GABRQ: variants seen among roughly 807,000 people sequenced by gnomAD.
GABRQ encodes the protein gamma-aminobutyric acid receptor subunit theta.
Under a neutral mutation model 30.5 loss-of-function variants are expected in GABRQ, and 19 were observed. The ratio of observed to expected loss-of-function variants is 0.62; its 90% CI spans 0.43 to 0.91. The LOEUF (loss-of-function observed/expected upper bound fraction) is 0.91, where lower values mean the gene tolerates loss of function less well. Among genes scored for constraint, GABRQ ranks in the 40% least tolerant of loss-of-function variants. The pLI is 0.00. For synonymous variants in GABRQ, 187 were observed against 210.2 expected (o/e 0.89, Z 0.95); for missense variants, 520 against 521.4 (o/e 1.00, Z 0.03).
intron 4 of GABRQ, among the ~76,000 whole-genome samples, chrX:152,648,136 TGCACGC>T (rs1930932392): frequency 9.0e-6 from 1 of 111,364 alleles, no homozygotes; most frequent in Non-Finnish European, 1.9e-5. Flanking sequence ...CACTCACACG[TGCACGC>T]GCACACCATA....
At chrX:152,644,748 T>C (rs1930845803) in intron 2 of GABRQ, among the ~76,000 whole-genome samples, 1 of 111,621 alleles carries the variant, frequency 9.0e-6, no homozygotes, top group African/African-American at 3.3e-5. Flanking sequence ...ATGGACATGC[T>C]CATATGTTCA....
Position 152,640,438 on chromosome X carries a change from C to T in GABRQ, c.210C>T (p.Tyr70=), listed in dbSNP as rs1420682382. The part of the protein sequence containing the change: ...QKILDRVLSR[Y]DVRLRPNFGG... ...TTTTGGACAGGGTGCTGTCAAGATA[C>T]GATGTCCGCCTGAGACCGAATTTTG... Residue 70 remains tyrosine, a synonymous_variant, in exon 2 of 9, where the codon TAC becomes TAT. Coordinates refer to ENST00000598523, the MANE Select transcript of GABRQ (RefSeq NM_018558.4). 7.6e-6 allele frequency: 9 copies of T among 1,189,022 alleles called. No homozygotes were observed. Among genetic ancestry groups the T allele is most frequent in the African/African-American group, 1.8e-5 (1 of 56,668 alleles).
chrX:152,652,516 G>A, intron 8 of GABRQ, 25 bp from the exon 9 acceptor site: 1 of 1,169,173 alleles, frequency 8.6e-7, no homozygotes, highest in East Asian at 3.0e-5. Flanking sequence ...TGAAACTGAT[G>A]AGCCTATCCA....
In GABRQ at chrX:152,653,067, A is replaced by G; in HGVS notation, c.1685A>G (p.Asp562Gly). 8.3e-7 allele frequency: 1 copy of G among 1,209,416 alleles called. No homozygotes were observed. The highest frequency in any genetic ancestry group is 1.1e-6 in the Non-Finnish European group (1 of 893,126). ...ACTAACAGTACCTGGGGCCTTAATG[A>G]TGATGAGCTCATGGCCCATGGCCAA... ...CDTNSTWGLN[D>G]DELMAHGQEK... The change falls in exon 9 of 9, where the codon GAT becomes GGT. Residue 562 changes from aspartate (D) to glycine (G), a missense_variant. Coordinates refer to ENST00000598523, the MANE Select transcript of GABRQ (RefSeq NM_018558.4).
At chrX:152,640,897 G>T (rs139247798) in intron 2 of GABRQ, among the ~76,000 whole-genome samples, 2 of 110,839 alleles carry the variant, frequency 1.8e-5, no homozygotes, top group Admixed American at 1.9e-4. Context: ...CTGAGAGCAC[G>T]GTCTTTTCTG....
intron 4 of GABRQ, 67 bp downstream of exon 4, chrX:152,647,235 C>T (rs1930912763): frequency 3.6e-6 from 3 of 826,680 alleles, no homozygotes; most frequent in South Asian, 2.3e-5. Context: ...ATTCTACAAA[C>T]ACACTCTAAG....
chrX:152,638,467 C>A, intron 1 of GABRQ, 116 bp downstream of exon 1: 1 of 738,276 alleles, frequency 1.4e-6, no homozygotes, highest in Non-Finnish European at 2.0e-6. Flanking sequence ...GGTACTCGGA[C>A]CCGGGCTCGC....
Position 152,645,215 on chromosome X carries a change from G to A in GABRQ, c.239-312G>A, listed in dbSNP as rs782133315. Among the ~76,000 whole-genome samples, 5 of 112,429 alleles carry A rather than the reference G, an allele frequency of 4.4e-5. No individual in the cohort carries two copies. The South Asian group carries it at 1.1e-3, about 25-fold the overall frequency. On this transcript the variant is annotated intron_variant, in intron 2 of 8. Transcript: ENST00000598523. ...AATCTTGGCTCCTGCTTTGGGGCTC[G>A]TTGCTTTTCAGGTTTTATCAGGAAA...
chrX:152,638,101 C>T lies in GABRQ; in HGVS notation c.-102C>T, dbSNP rs1307973623. On this transcript the variant is annotated 5_prime_UTR_variant, in exon 1 of 9. Coordinates refer to ENST00000598523, the MANE Select transcript of GABRQ (RefSeq NM_018558.4). ...ACTCTTTGGGGAAGGGCCAGCAATC[C>T]CGCCTTCCCCGGCCCCAGTAGTCAC... 31 of 744,607 alleles carry T rather than the reference C, an allele frequency of 4.2e-5. No individual in the cohort carries two copies. The Admixed American group carries it at 9.6e-4, about 23-fold the overall frequency. 61.4% of individuals were successfully genotyped at this position (744,607 alleles called of 1,213,427 possible).
rs4325058 is a variant in GABRQ, at chrX:152,650,174, T to A, written c.749-254T>A. On this transcript the variant is annotated intron_variant, in intron 6 of 8. Coordinates refer to ENST00000598523, the MANE Select transcript of GABRQ (RefSeq NM_018558.4). ...TTGGGAACATCTCTTGCCTCTCCCA[T>A]TCCAAAACTTCACCTAACATGGAGC... is the stretch of plus-strand genomic sequence containing the variant. 4.2e-3 allele frequency among the ~76,000 whole-genome samples: 468 copies of A among 112,107 alleles called. 7 individuals carry two copies. The highest frequency in any genetic ancestry group is 0.014 in the African/African-American group (436 of 30,838).
chrX:152,641,547 A>G, intron 2 of GABRQ, among the ~76,000 whole-genome samples: 1 of 111,749 alleles, frequency 8.9e-6, no homozygotes, highest in Admixed American at 9.4e-5. Flanking sequence ...CCTGGGCCCT[A>G]AGCTTTGGAG....
rs1931138977 is a variant in GABRQ, at chrX:152,655,848, G to A, written c.*2567G>A. The A allele has an allele frequency of 8.9e-6, 1 of 112,150 alleles. No individual in the cohort carries two copies. Among genetic ancestry groups the A allele is most frequent in the Non-Finnish European group, 1.9e-5 (1 of 53,254 alleles). 9.2% of individuals were successfully genotyped at this position (112,150 alleles called of 1,213,427 possible). On this transcript the variant is annotated 3_prime_UTR_variant, in exon 9 of 9. Transcript: ENST00000598523. ...GAGATTGGAGCAGTGTGAAGAAAAG[G>A]AGGGTTTTAAGATTTGTCTGGAAGC...
chrX:152,638,475 C>CA, intron 1 of GABRQ, 124 bp downstream of exon 1: 1 of 680,628 alleles, frequency 1.5e-6, no homozygotes, highest in Non-Finnish European at 2.2e-6. Flanking sequence ...GACCCGGGCT[C>CA]GCTGAGCCCT....
downstream of GABRQ, among the ~76,000 whole-genome samples, chrX:152,658,033 A>G (rs1276444956): frequency 8.9e-6 from 1 of 112,357 alleles, no homozygotes; most frequent in African/African-American, 3.2e-5. Flanking sequence ...AAAAGGGAGT[A>G]GAAATACGCC....
At chrX:152,657,825 A>C (rs1931177941), downstream of GABRQ, among the ~76,000 whole-genome samples, 1 of 112,601 alleles carries the variant, frequency 8.9e-6, no homozygotes, top group South Asian at 3.7e-4. Flanking sequence ...CCAAAATACA[A>C]GGTAGAAGTT....
intron 1 of GABRQ, 76 bp downstream of exon 1, chrX:152,638,427 G>T: frequency 8.7e-6 from 9 of 1,037,636 alleles, no homozygotes; most frequent in Non-Finnish European, 1.2e-5. Flanking sequence ...CCTCTTGGAC[G>T]GAGCGGGCTG....
rs950250068 is a variant in GABRQ at position 152,640,629 on chromosome X, C to T, written c.238+163C>T. On this transcript the variant is annotated intron_variant, in intron 2 of 8. Coordinates refer to ENST00000598523, the MANE Select transcript of GABRQ (RefSeq NM_018558.4). ...GACTCTGCAGAGACCAGCAAGGAAG[C>T]ACCCCCAGGCCTTCTGCACCCTGTA... 1.0e-4 allele frequency: 54 copies of T among 515,823 alleles called. No homozygotes were observed. In the African/African-American group the frequency reaches 1.2e-3, roughly 12 times the overall value. The allele number at this position is 515,823 out of a possible 1,213,427, so 42.5% of individuals were successfully genotyped here.
intron 2 of GABRQ, among the ~76,000 whole-genome samples, chrX:152,641,477 G>A (rs969017396): frequency 8.9e-6 from 1 of 112,685 alleles, no homozygotes; most frequent in African/African-American, 3.2e-5. Context: ...GAGAGGATTC[G>A]GCCCTTGCGG....
chrX:152,658,361 C>T (rs781831263), downstream of GABRQ, among the ~76,000 whole-genome samples: 1 of 112,031 alleles, frequency 8.9e-6, no homozygotes, highest in African/African-American at 3.2e-5. Context: ...CATGCAGTGC[C>T]GTCCATTTTC....
Sources: gnomAD v4.1 joint callset for allele counts (sites outside exome capture counted in the v4.1 genomes callset) on GRCh38, gnomAD v4.1.1 for gene constraint, MANE v1.5 for transcripts, NCBI Gene and HGNC (gene_info 2026-07-23, HGNC 2026-07-21) for gene names.